TM6SF1: variants seen among roughly 807,000 people sequenced by gnomAD.
The protein encoded by TM6SF1 is transmembrane 6 superfamily member 1.
A neutral mutation model predicts 47.1 loss-of-function variants in TM6SF1; 43 were observed. The ratio of observed to expected loss-of-function variants is 0.91; its 90% CI spans 0.72 to 1.18. The LOEUF is 1.18. Among genes scored for constraint, TM6SF1 ranks in the 50% most tolerant of loss-of-function variants. The probability of loss-of-function intolerance (pLI) is 0.00; values close to 1 mark genes in which losing one functional copy is unlikely to be tolerated. For missense variants in TM6SF1, 390 were observed against 449.0 expected, an observed-to-expected ratio of 0.87 and a Z score of 1.19; for synonymous variants, 177 against 166.3, an observed-to-expected ratio of 1.06 and a Z score of -0.49.
chr15:83,124,494 A>T (rs1286802107), intron 6 of TM6SF1, among the ~76,000 whole-genome samples, 178 bp from the exon 7 acceptor site: 1 of 152,194 alleles, frequency 6.6e-6, no homozygotes, highest in Non-Finnish European at 1.5e-5. Context: ...TTCACAGATA[A>T]GGAAATTGAG....
Position 83,136,641 on chromosome 15 carries a change from T to C in TM6SF1, c.1082T>C (p.Ile361Thr). The C allele has an allele frequency of 6.3e-7, 1 of 1,599,714 alleles. No individual in the cohort carries two copies. The highest frequency in any genetic ancestry group is 1.1e-5 in the South Asian group (1 of 87,456). Residue 361 changes from isoleucine (I) to threonine (T), a missense_variant, in exon 10 of 10, where the codon ATA becomes ACA. Coordinates refer to ENST00000322019, the MANE Select transcript of TM6SF1 (RefSeq NM_023003.5). ...TGTATCTACAAACCAGAGTTCTTCATAAAAACAAAGGCAGAAGAAAAAGTG... is the reference window on the plus strand; with the variant it reads ...TGTATCTACAAACCAGAGTTCTTCACAAAAACAAAGGCAGAAGAAAAAGTG... Reference protein sequence around the residue: ...YRCIYKPEFFIKTKAEEKVE With the variant: ...YRCIYKPEFFTKTKAEEKVE
At chr15:83,124,267 T>C (rs1329808313) in intron 6 of TM6SF1, among the ~76,000 whole-genome samples, 1 of 152,124 alleles carries the variant, frequency 6.6e-6, no homozygotes, top group African/African-American at 2.4e-5. Context: ...TTGTGAAAAA[T>C]GTAGATATAT....
intron 9 of TM6SF1, chr15:83,128,840 T>C (rs1372032636): frequency 1.3e-5 from 2 of 152,104 alleles, no homozygotes; most frequent in African/African-American, 2.4e-5. Context: ...CTTTTTTTTT[T>C]CTTTTAAAGA....
chr15:83,130,984 G>C (rs1380112197), intron 9 of TM6SF1: 1 of 152,194 alleles, frequency 6.6e-6, no homozygotes. Flanking sequence ...CCAGCTACTA[G>C]GAAGGCTGAG....
intron 2 of TM6SF1, chr15:83,113,203 C>T: frequency 2.3e-6 from 1 of 444,372 alleles, no homozygotes; most frequent in South Asian, 2.4e-5. Flanking sequence ...CTAGCTCCTT[C>T]CTGGGCTTCC....
At chr15:83,136,208 TAAA>T (rs1411750457) in intron 9 of TM6SF1, 4 of 285,330 alleles carry the variant, frequency 1.4e-5, no homozygotes, top group Non-Finnish European at 2.6e-5. Flanking sequence ...ACTTGATGGT[TAAA>T]AAACACAACT....
chr15:83,112,483 T>C (rs995349400), intron 1 of TM6SF1, among the ~76,000 whole-genome samples: 7 of 152,128 alleles, frequency 4.6e-5, no homozygotes, highest in African/African-American at 1.7e-4. Context: ...AGTGGGGCAG[T>C]GGCCATAGGT....
chr15:83,108,775 G>A (rs146029155), intron 1 of TM6SF1, among the ~76,000 whole-genome samples: 1 of 152,320 alleles, frequency 6.6e-6, no homozygotes, highest in East Asian at 1.9e-4. Flanking sequence ...GCCGTGGAGT[G>A]TCTGTACATA....
Position 83,124,685 on chromosome 15 carries a change from C to G in TM6SF1, c.617C>G (p.Ala206Gly). ...YNYPSKVIQE[A>G]QAKDLLRRPF... is the part of the protein sequence containing the mutation. Reference sequence around the variant, plus strand: ...ACTCTATTTTAGGTTATTCAAGAAGCCCAAGCGAAAGACCTGCTGAGAAGA... The same window carrying G: ...ACTCTATTTTAGGTTATTCAAGAAGGCCAAGCGAAAGACCTGCTGAGAAGA... The change falls in exon 7 of 10, where the codon GCC becomes GGC. Residue 206 changes from alanine (A) to glycine (G), a missense_variant. Coordinates refer to ENST00000322019, the MANE Select transcript of TM6SF1 (RefSeq NM_023003.5). 1 of 1,613,936 alleles carries G rather than the reference C, an allele frequency of 6.2e-7. No homozygotes were observed. The highest frequency in any genetic ancestry group is 8.5e-7 in the Non-Finnish European group (1 of 1,179,932).
At position 83,112,812 on chromosome 15, in the gene TM6SF1, AG is replaced by A; in HGVS notation, c.112del (p.Val38LeufsTer9). On this transcript the variant is annotated frameshift_variant, in exon 2 of 10. Transcript: ENST00000322019. LOFTEE classifies it high-confidence loss of function. ...AAQHDSWTIV[G>X]VAALILFLVA... ...GTCGTTGCAGTTCCTGGACTATTGT[AG>A]GGGTTGCTGCCCTCATCCTGTTCCT... 1 of 1,613,980 alleles carries A rather than the reference AG, an allele frequency of 6.2e-7. No individual in the cohort carries two copies. Among genetic ancestry groups the A allele is most frequent in the Non-Finnish European group, 8.5e-7 (1 of 1,179,854 alleles).
chr15:83,107,817 A>T lies in TM6SF1; in HGVS notation c.92+45A>T. Reference sequence around the variant, plus strand: ...GGGGGTCGCGCCGAGGGGCGGCGGGAGTTGGCTCGCCGCGACGGGAGCCTC... The same window carrying T: ...GGGGGTCGCGCCGAGGGGCGGCGGGTGTTGGCTCGCCGCGACGGGAGCCTC... On this transcript the variant is annotated intron_variant, in intron 1 of 9. Transcript: ENST00000322019. This position sits in a 1 kb window ranked among gnomAD's most constrained non-coding sequence, Gnocchi z 5.6. 4 of 1,543,784 alleles carry T rather than the reference A, an allele frequency of 2.6e-6. No individual in the cohort carries two copies. Among genetic ancestry groups the T allele is most frequent in the Non-Finnish European group, 3.5e-6 (4 of 1,146,310 alleles).
chr15:83,132,470 AGGTGC>A (rs2036318672), intron 9 of TM6SF1: 1 of 152,156 alleles, frequency 6.6e-6, no homozygotes, highest in South Asian at 2.1e-4. Flanking sequence ...CTGGCTATGT[AGGTGC>A]TATGTCATGT....
At chr15:83,122,905 C>G in intron 6 of TM6SF1, 27 bp downstream of exon 6, 1 of 1,612,336 alleles carries the variant, frequency 6.2e-7, no homozygotes, top group Non-Finnish European at 8.5e-7. Context: ...TTGATGTACC[C>G]TGTTCTCAAA....
rs752525273 is a variant in TM6SF1 at position 83,137,033 on chromosome 15, T to G, written c.*361T>G. The G allele has an allele frequency of 1.1e-4, 17 of 157,080 alleles. No homozygotes were observed. The highest frequency in any genetic ancestry group is 2.2e-4 in the Non-Finnish European group (16 of 71,350). The allele number at this position is 157,080 out of a possible 1,614,324, so 9.7% of individuals were successfully genotyped here. ...AAAAGAGAATATGGCCTGTGCATAT[T>G]AAAAAATTCAAAACAGTGAATGCAG... On this transcript the variant is annotated 3_prime_UTR_variant, in exon 10 of 10. Transcript: ENST00000322019.
chr15:83,107,998 G>A lies in TM6SF1; in HGVS notation c.92+226G>A, dbSNP rs2033820080. 2 of 933,202 alleles carry A rather than the reference G, an allele frequency of 2.1e-6. No individual in the cohort carries two copies. The highest frequency in any genetic ancestry group is 2.8e-6 in the Non-Finnish European group (2 of 703,146). 57.8% of individuals were successfully genotyped at this position (933,202 alleles called of 1,614,324 possible). A position where few individuals can be genotyped will look rare whatever the true frequency, so the allele number is the denominator to read the frequency against. On this transcript the variant is annotated intron_variant, in intron 1 of 9. Transcript: ENST00000322019. This position sits in a 1 kb window ranked among gnomAD's most constrained non-coding sequence, Gnocchi z 5.6. ...TGAGGTGCCCAGGCTGGCGCATTTCGGGATGTTGGTGCCAGCACCGCGCCA... is the reference window on the plus strand; with the variant it reads ...TGAGGTGCCCAGGCTGGCGCATTTCAGGATGTTGGTGCCAGCACCGCGCCA...
At chr15:83,118,267 ACAGAGAGAG>A (rs1231755710) in intron 3 of TM6SF1, among the ~76,000 whole-genome samples, 1 of 150,956 alleles carries the variant, frequency 6.6e-6, no homozygotes, top group Non-Finnish European at 1.5e-5. Flanking sequence ...ACACACACAT[ACAGAGAGAG>A]CAAGAGAGAG....
rs1555449855 is a variant in TM6SF1, at chr15:83,127,232, AAG to A, written c.802-123_802-122del. 6 of 920,810 alleles carry A rather than the reference AAG, an allele frequency of 6.5e-6. No individual in the cohort carries two copies. The East Asian group carries it at 1.9e-4, about 29-fold the overall frequency. 57.0% of individuals were successfully genotyped at this position (920,810 alleles called of 1,614,324 possible). On this transcript the variant is annotated intron_variant, in intron 8 of 9. Coordinates refer to ENST00000322019, the MANE Select transcript of TM6SF1 (RefSeq NM_023003.5). ...ATAAAAATAAAAGTAAAAAAAAAAA[AAG>A]AGTCCCATATAGGAAATAGGAATTA...
chr15:83,133,583 T>A (rs2036405234), intron 9 of TM6SF1: 1 of 152,224 alleles, frequency 6.6e-6, no homozygotes, highest in African/African-American at 2.4e-5. Context: ...CATTGCTAAA[T>A]TCTGGAGAAA....
At chr15:83,110,007 C>T (rs1241827208) in intron 1 of TM6SF1, among the ~76,000 whole-genome samples, 1 of 152,156 alleles carries the variant, frequency 6.6e-6, no homozygotes, top group African/African-American at 2.4e-5. Context: ...TTACCTGCCC[C>T]GGCTATAGCT....
Sources: gnomAD v4.1 joint callset for allele counts (sites outside exome capture counted in the v4.1 genomes callset) on GRCh38, gnomAD v4.1.1 for gene constraint, Gnocchi (gnomAD v3.1) non-coding constraint, MANE v1.5 for transcripts, NCBI Gene and HGNC (gene_info 2026-07-23, HGNC 2026-07-21) for gene names.